LMO3: variants seen among roughly 807,000 people sequenced by gnomAD.
LMO3 encodes LIM domain only protein 3.
Under a neutral mutation model 15.8 loss-of-function variants are expected in LMO3, and 2 were observed. The ratio of observed to expected loss-of-function variants is 0.13; its 90% CI spans 0.05 to 0.40. The LOEUF (loss-of-function observed/expected upper bound fraction) is 0.40, where lower values mean the gene tolerates loss of function less well. LMO3 is among the 10% of genes least tolerant of loss of function. The pLI, the probability that LMO3 is intolerant of heterozygous loss-of-function variation, is 0.99. For missense variants in LMO3, 86 were observed against 182.2 expected (o/e 0.47, Z 3.04); for synonymous variants, 62 against 63.8 (o/e 0.97, Z 0.13).
intron 1 of LMO3, among the ~76,000 whole-genome samples, chr12:16,602,478 G>T (rs1173850200): frequency 6.6e-6 from 1 of 152,230 alleles, no homozygotes; most frequent in Admixed American, 6.5e-5. Flanking sequence ...AGTTGTGTAG[G>T]GAATGGCAGG....
rs1943330736 is a variant in LMO3 at position 16,586,645 on chromosome 12, T to C, written c.206+14010A>G. Among the ~76,000 whole-genome samples the C allele has an allele frequency of 6.6e-6, 1 of 152,184 alleles. No individual in the cohort carries two copies. The highest frequency in any genetic ancestry group is 6.6e-5 in the Admixed American group (1 of 15,264). ...TTGTCTCCCAAAGCCTGTCCTAGGA[T>C]GTGGCAATAAGGCTATACCGTCGGG... On this transcript the variant is annotated intron_variant, in intron 2 of 3. Transcript: ENST00000537304. This position sits in a 1 kb window ranked among gnomAD's most constrained non-coding sequence, Gnocchi z 4.3.
chr12:16,581,178 G>T (rs1326977961), intron 2 of LMO3, among the ~76,000 whole-genome samples: 1 of 152,152 alleles, frequency 6.6e-6, no homozygotes, highest in Non-Finnish European at 1.5e-5. Flanking sequence ...ATCAATTTAT[G>T]GGGACCTCGG....
rs555930430 is a variant in LMO3 at position 16,599,485 on chromosome 12, C to A, written c.206+1170G>T. 3 of 152,130 alleles carry A rather than the reference C, an allele frequency of 2.0e-5. No individual in the cohort carries two copies. The highest frequency in any genetic ancestry group is 1.5e-5 in the Non-Finnish European group (1 of 67,998). The allele number at this position is 152,130 out of a possible 1,614,324, so 9.4% of individuals were successfully genotyped here. A position where few individuals can be genotyped will look rare whatever the true frequency, so the allele number is the denominator to read the frequency against. On this transcript the variant is annotated intron_variant, in intron 2 of 3. Coordinates refer to ENST00000537304, the MANE Select transcript of LMO3 (RefSeq NM_018640.5). The surrounding 1 kb of genome is among the most constrained non-coding windows in gnomAD (Gnocchi z 4.1). Reference sequence around the variant, plus strand: ...TAGCTGAATTATATACTAAGAACGACCAAATTCCCTAGAAAACACCTCATC... The same window carrying A: ...TAGCTGAATTATATACTAAGAACGAACAAATTCCCTAGAAAACACCTCATC...
chr12:16,604,955 T>A lies in LMO3; in HGVS notation c.-9+1111A>T. ...TGAGCACCAAACCCAAAGGTAGAAG[T>A]AGAAGGGGGTCTCCTTGATTTCGCT... On this transcript the variant is annotated intron_variant, in intron 1 of 3. Transcript: ENST00000537304. The surrounding 1 kb of genome is among the most constrained non-coding windows in gnomAD (Gnocchi z 5.3). The A allele has an allele frequency of 6.3e-7, 1 of 1,598,168 alleles. No homozygotes were observed.
rs1386472710 is a variant in LMO3, at chr12:16,593,301, A to G, written c.206+7354T>C. 2.0e-5 allele frequency among the ~76,000 whole-genome samples: 3 copies of G among 151,830 alleles called. No homozygotes were observed. The highest frequency in any genetic ancestry group is 7.2e-5 in the African/African-American group (3 of 41,490). On this transcript the variant is annotated intron_variant, in intron 2 of 3. Coordinates refer to ENST00000537304, the MANE Select transcript of LMO3 (RefSeq NM_018640.5). The surrounding 1 kb of genome is among the most constrained non-coding windows in gnomAD (Gnocchi z 4.2). ...TATTTTCCCAGTAGCCCAGTTGGAG[A>G]GTTTTAATATTAAATTGAATCATAA...
intron 2 of LMO3, among the ~76,000 whole-genome samples, chr12:16,583,885 A>G (rs1302566346): frequency 6.6e-6 from 1 of 152,198 alleles, no homozygotes; most frequent in Non-Finnish European, 1.5e-5. Context: ...AGGTTTGACC[A>G]AATTAGGAGA....
Position 16,560,356 on chromosome 12 carries a change from A to G in LMO3, c.332+57T>C. 1 of 1,542,086 alleles carries G rather than the reference A, an allele frequency of 6.5e-7. No individual in the cohort carries two copies. The highest frequency in any genetic ancestry group is 8.8e-7 in the Non-Finnish European group (1 of 1,141,850). The stretch of plus-strand genomic sequence containing the variant: ...GAATATAATTTCCACCTATTAAATA[A>G]ATAGCCAGCACAGAGAGGTTAACCA... On this transcript the variant is annotated intron_variant, in intron 3 of 3. Transcript: ENST00000537304. This position sits in a 1 kb window ranked among gnomAD's most constrained non-coding sequence, Gnocchi z 5.0.
intron 2 of LMO3, among the ~76,000 whole-genome samples, chr12:16,577,403 A>C (rs1190462351): frequency 6.6e-6 from 1 of 152,174 alleles, no homozygotes; most frequent in Non-Finnish European, 1.5e-5. Flanking sequence ...AGTAGTTGGC[A>C]GTTATTCTTC....
rs375280220 is a variant in LMO3 at position 16,589,156 on chromosome 12, G to C, written c.206+11499C>G. 1.3e-5 allele frequency among the ~76,000 whole-genome samples: 2 copies of C among 152,068 alleles called. No individual in the cohort carries two copies. Among genetic ancestry groups the C allele is most frequent in the African/African-American group, 4.8e-5 (2 of 41,412 alleles). ...ATTAGATGTAACCTCACCCAGTTTGGAAGATTTTAGGGAAGTGACAAGAAC... is the reference window on the plus strand; with the variant it reads ...ATTAGATGTAACCTCACCCAGTTTGCAAGATTTTAGGGAAGTGACAAGAAC... On this transcript the variant is annotated intron_variant, in intron 2 of 3. Coordinates refer to ENST00000537304, the MANE Select transcript of LMO3 (RefSeq NM_018640.5). The surrounding 1 kb of genome is among the most constrained non-coding windows in gnomAD (Gnocchi z 4.2).
upstream of LMO3, chr12:16,607,355 T>G (rs1944032302): frequency 6.6e-6 from 1 of 152,156 alleles, no homozygotes. Context: ...TTTTCAGGAC[T>G]AACTTGGTCA....
Position 16,551,165 on chromosome 12 carries a change from G to A in LMO3, c.*57C>T. On this transcript the variant is annotated 3_prime_UTR_variant, in exon 4 of 4. Coordinates refer to ENST00000537304, the MANE Select transcript of LMO3 (RefSeq NM_018640.5). ...GTGTCAATTCTTATGTACATGTGGA[G>A]CAAAAAAGATAAAAGAATGTAGTGC... 1 of 1,115,124 alleles carries A rather than the reference G, an allele frequency of 9.0e-7. No homozygotes were observed. The highest frequency in any genetic ancestry group is 1.4e-6 in the Non-Finnish European group (1 of 726,336). The allele number at this position is 1,115,124 out of a possible 1,614,324, so 69.1% of individuals were successfully genotyped here.
At chr12:16,571,057 A>T (rs1942797859) in intron 2 of LMO3, among the ~76,000 whole-genome samples, 2 of 152,100 alleles carry the variant, frequency 1.3e-5, no homozygotes, top group Non-Finnish European at 2.9e-5. Flanking sequence ...AAAAAAATCT[A>T]TTATCTACAG....
intron 2 of LMO3, among the ~76,000 whole-genome samples, chr12:16,571,570 C>T (rs1029414652): frequency 6.6e-6 from 1 of 152,102 alleles, no homozygotes; most frequent in South Asian, 2.1e-4. Context: ...AGTCTATATA[C>T]TCATGTTATC....
chr12:16,559,678 T>G lies in LMO3; in HGVS notation c.332+735A>C, dbSNP rs912986293. Among the ~76,000 whole-genome samples the G allele has an allele frequency of 1.1e-4, 16 of 151,344 alleles. No homozygotes were observed. The South Asian group carries it at 3.3e-3, about 32-fold the overall frequency. ...GGTAAACAGCTAGATTGGGTGGGGGTGGTGGCTCATGCCTATAATCCCTGC... is the reference window on the plus strand; with the variant it reads ...GGTAAACAGCTAGATTGGGTGGGGGGGGTGGCTCATGCCTATAATCCCTGC... On this transcript the variant is annotated intron_variant, in intron 3 of 3. Coordinates refer to ENST00000537304, the MANE Select transcript of LMO3 (RefSeq NM_018640.5). The surrounding 1 kb of genome is among the most constrained non-coding windows in gnomAD (Gnocchi z 4.1).
chr12:16,588,473 T>C (rs1003878845), intron 2 of LMO3, among the ~76,000 whole-genome samples: 2 of 152,068 alleles, frequency 1.3e-5, no homozygotes, highest in African/African-American at 4.8e-5. Flanking sequence ...AATATAATGC[T>C]TTACAAGGCC....
rs200500643 is a variant in LMO3, at chr12:16,583,316, T to TA, written c.206+17338_206+17339insT. 6.8e-3 allele frequency among the ~76,000 whole-genome samples: 1,031 copies of TA among 152,030 alleles called. 19 individuals are homozygous for TA. The highest frequency in any genetic ancestry group is 0.024 in the African/African-American group (987 of 41,458). On this transcript the variant is annotated intron_variant, in intron 2 of 3. Coordinates refer to ENST00000537304, the MANE Select transcript of LMO3 (RefSeq NM_018640.5). The stretch of plus-strand genomic sequence containing the variant: ...GACAACAACAGACTGTTCTTTTTTT[T>TA]TAAAAAAATTAGACAATAGGGGAAT...
Position 16,571,039 on chromosome 12 carries a change from T to C in LMO3, c.207-10501A>G, listed in dbSNP as rs117091250. 6.9e-3 allele frequency among the ~76,000 whole-genome samples: 1,046 copies of C among 152,206 alleles called. 9 individuals carry two copies. The highest frequency in any genetic ancestry group is 0.058 in the Middle Eastern group (17 of 294). Reference sequence around the variant, plus strand: ...CCTAAAACTTAAAGTATAATAATAATAAATTTTAAAAAAATCTATTATCTA... The same window carrying C: ...CCTAAAACTTAAAGTATAATAATAACAAATTTTAAAAAAATCTATTATCTA... On this transcript the variant is annotated intron_variant, in intron 2 of 3. Coordinates refer to ENST00000537304, the MANE Select transcript of LMO3 (RefSeq NM_018640.5).
At chr12:16,572,989 A>AT (rs988203101) in intron 2 of LMO3, among the ~76,000 whole-genome samples, 2 of 151,732 alleles carry the variant, frequency 1.3e-5, no homozygotes, top group South Asian at 2.1e-4. Flanking sequence ...GAAAGTAGAG[A>AT]TTTTTTTAAA....
In LMO3 at chr12:16,594,886, G is replaced by C. The variant is rs558487715; in HGVS notation, c.206+5769C>G. ...AAAATTTATTATTAGTCACTTAATG[G>C]AAGTTAATGGTGAGTTTATAAATGA... On this transcript the variant is annotated intron_variant, in intron 2 of 3. Coordinates refer to ENST00000537304, the MANE Select transcript of LMO3 (RefSeq NM_018640.5). Among the ~76,000 whole-genome samples, 3 of 151,644 alleles carry C rather than the reference G, an allele frequency of 2.0e-5. 1 individual carries two copies. In the East Asian group the frequency reaches 5.8e-4, roughly 29 times the overall value.
Sources: allele counts gnomAD v4.1 joint callset (sites outside exome capture counted in the v4.1 genomes callset), GRCh38; gene constraint gnomAD v4.1.1; non-coding constraint Gnocchi (gnomAD v3.1); transcripts MANE v1.5; gene names NCBI Gene and HGNC (gene_info 2026-07-23, HGNC 2026-07-21).